The following EPHA5 variants were observed in gnomAD, a reference collection of about 807,000 sequenced individuals.
The protein encoded by EPHA5 is EPH receptor A5, also known as ephrin type-A receptor 5.
EPHA5 carries 60 observed loss-of-function variants against 105.0 expected under a neutral mutation model. The observed-to-expected ratio is 0.57, with a 90% CI of 0.46 to 0.71. The LOEUF (loss-of-function observed/expected upper bound fraction) is 0.71, where lower values mean the gene tolerates loss of function less well. EPHA5 is among the 30% of genes least tolerant of loss of function. The pLI is 0.00. For synonymous variants in EPHA5, 513 were observed against 449.1 expected, an observed-to-expected ratio of 1.14 and a Z score of -1.80; for missense variants, 1,218 against 1,274.7, an observed-to-expected ratio of 0.96 and a Z score of 0.68.
At chr4:65,346,303 CTT>C (rs1722221086) in intron 14 of EPHA5, among the ~76,000 whole-genome samples, 1 of 151,872 alleles carries the variant, frequency 6.6e-6, no homozygotes, top group African/African-American at 2.4e-5. Flanking sequence ...TCAGTCTAAA[CTT>C]GTATTTCTTA....
At chr4:65,407,505 G>GC (rs1722472937) in intron 7 of EPHA5, among the ~76,000 whole-genome samples, 2 of 54,790 alleles carry the variant, frequency 3.7e-5, no homozygotes, top group South Asian at 2.8e-3. Context: ...TCAAAAGACT[G>GC]TTAAAATGCT....
intron 1 of EPHA5, among the ~76,000 whole-genome samples, chr4:65,651,345 A>AGTAGGG (rs1000395577): frequency 1.3e-5 from 2 of 152,190 alleles, no homozygotes; most frequent in Non-Finnish European, 2.9e-5. Context: ...TGCTTAATCC[A>AGTAGGG]GTAGGGAAGT....
chr4:65,521,365 A>C (rs1734697261), intron 3 of EPHA5, among the ~76,000 whole-genome samples: 1 of 151,826 alleles, frequency 6.6e-6, no homozygotes, highest in Non-Finnish European at 1.5e-5. Flanking sequence ...CACACACCAG[A>C]GCCTGTCTTG....
intron 3 of EPHA5, among the ~76,000 whole-genome samples, chr4:65,529,889 T>C (rs937911219): frequency 1.6e-4 from 24 of 152,124 alleles, no homozygotes; most frequent in African/African-American, 5.8e-4. Context: ...CAATATTTTC[T>C]AATTTAAAAT....
chr4:65,389,527 A>G (rs1351833039), intron 8 of EPHA5, among the ~76,000 whole-genome samples: 1 of 152,110 alleles, frequency 6.6e-6, no homozygotes, highest in African/African-American at 2.4e-5. Context: ...CAATTGAATT[A>G]AATGATTAAA....
intron 8 of EPHA5, among the ~76,000 whole-genome samples, chr4:65,379,135 T>C (rs1472751104): frequency 1.3e-5 from 2 of 151,908 alleles, no homozygotes; most frequent in Admixed American, 6.6e-5. Flanking sequence ...TGATTGGCTA[T>C]TATCTCATAG....
At chr4:65,494,455 G>C (rs367556432) in intron 4 of EPHA5, among the ~76,000 whole-genome samples, 3 of 152,236 alleles carry the variant, frequency 2.0e-5, no homozygotes, top group East Asian at 3.9e-4. Flanking sequence ...AGGAGAGAGG[G>C]ATTCACTTCC....
At chr4:65,658,099 T>C (rs923338648) in intron 1 of EPHA5, among the ~76,000 whole-genome samples, 4 of 151,802 alleles carry the variant, frequency 2.6e-5, no homozygotes, top group African/African-American at 9.7e-5. Flanking sequence ...CACAATTCCA[T>C]CTCAGTATGA....
chr4:65,532,935 T>C (rs771612878), intron 3 of EPHA5, among the ~76,000 whole-genome samples: 75 of 152,294 alleles, frequency 4.9e-4, no homozygotes, highest in Non-Finnish European at 8.5e-4. Flanking sequence ...TGTCTTTTCT[T>C]TCTGTCTATT....
chr4:65,353,111 G>T lies in EPHA5; in HGVS notation c.2174-8C>A. 6.5e-7 allele frequency: 1 copy of T among 1,542,062 alleles called. No homozygotes were observed. The highest frequency in any genetic ancestry group is 8.7e-7 in the Non-Finnish European group (1 of 1,145,516). Reference sequence around the variant, plus strand: ...CGATCATCACTGGTTTACCTGAAAAGAAAACAGAGTGATATAACCTGCTGC... The same window carrying T: ...CGATCATCACTGGTTTACCTGAAAATAAAACAGAGTGATATAACCTGCTGC... On this transcript the variant is annotated splice_polypyrimidine_tract_variant and splice_region_variant and intron_variant, in intron 11 of 16. Coordinates refer to ENST00000613740, the MANE Select transcript of EPHA5 (RefSeq NM_001281766.3).
At chr4:65,475,903 A>G (rs2149173650) in intron 5 of EPHA5, among the ~76,000 whole-genome samples, 1 of 152,342 alleles carries the variant, frequency 6.6e-6, no homozygotes. Flanking sequence ...AGCATTAACA[A>G]AATCATTGCT....
intron 2 of EPHA5, among the ~76,000 whole-genome samples, chr4:65,602,724 A>T (rs1743861186): frequency 6.6e-6 from 1 of 152,066 alleles, no homozygotes; most frequent in South Asian, 2.1e-4. Flanking sequence ...AAATGCAATT[A>T]AAAAAATGAA....
At position 65,490,721 on chromosome 4, in the gene EPHA5, CAAAGT is replaced by C; in HGVS notation, c.1067-14_1067-10del. ...AGGAGCAGAGGGGGGTCCTGGTTTA[CAAAGT>C]AAAGTAAGAAAAACATATTTTAAGA... On this transcript the variant is annotated splice_polypyrimidine_tract_variant and intron_variant, in intron 4 of 16. Coordinates refer to ENST00000613740, the MANE Select transcript of EPHA5 (RefSeq NM_001281766.3). 1 of 1,609,586 alleles carries C rather than the reference CAAAGT, an allele frequency of 6.2e-7. No homozygotes were observed. Among genetic ancestry groups the C allele is most frequent in the African/African-American group, 1.3e-5 (1 of 74,808 alleles).
chr4:65,627,853 CATGTTATA>C (rs1746291005), intron 2 of EPHA5, among the ~76,000 whole-genome samples: 1 of 152,078 alleles, frequency 6.6e-6, no homozygotes, highest in Non-Finnish European at 1.5e-5. Flanking sequence ...TATCTTTGTG[CATGTTATA>C]ATTGACCATC....
intron 12 of EPHA5, among the ~76,000 whole-genome samples, chr4:65,351,888 T>G (rs1028248798): frequency 6.6e-6 from 1 of 152,006 alleles, no homozygotes; most frequent in African/African-American, 2.4e-5. Context: ...TCAGAAGGGT[T>G]TGTTCACACT....
At chr4:65,620,495 G>C (rs1745620994) in intron 2 of EPHA5, among the ~76,000 whole-genome samples, 1 of 152,158 alleles carries the variant, frequency 6.6e-6, no homozygotes, top group Middle Eastern at 3.2e-3. Context: ...AAATGTATTT[G>C]AGAGAAGGGG....
At chr4:65,546,281 C>G (rs999621694) in intron 3 of EPHA5, among the ~76,000 whole-genome samples, 6 of 151,908 alleles carry the variant, frequency 3.9e-5, no homozygotes, top group African/African-American at 1.2e-4. Flanking sequence ...ATTTAATAAT[C>G]AAGTTGCAAA....
At chr4:65,500,160 G>A (rs527352496) in intron 3 of EPHA5, among the ~76,000 whole-genome samples, 13 of 151,132 alleles carry the variant, frequency 8.6e-5, no homozygotes, top group Non-Finnish European at 1.5e-4. Context: ...ATCCAAAATG[G>A]TTTATTAAAA....
intron 1 of EPHA5, among the ~76,000 whole-genome samples, chr4:65,654,340 A>AC (rs1191932965): frequency 6.6e-6 from 1 of 151,950 alleles, no homozygotes; most frequent in Non-Finnish European, 1.5e-5. Flanking sequence ...ACAACGGACG[A>AC]GAAAGTCCAA....
Sources: gnomAD v4.1 joint callset for allele counts (sites outside exome capture counted in the v4.1 genomes callset) on GRCh38, gnomAD v4.1.1 for gene constraint, MANE v1.5 for transcripts, NCBI Gene and HGNC (gene_info 2026-07-23, HGNC 2026-07-21) for gene names.